The following ITGA8 variants were observed in gnomAD, a reference collection of about 807,000 sequenced individuals.
The protein encoded by ITGA8 is integrin alpha-8.
ITGA8 carries 91 observed loss-of-function variants against 142.3 expected under a neutral mutation model. The observed-to-expected ratio is 0.64, with a 90% CI of 0.54 to 0.76. The LOEUF is 0.76. Among genes scored for constraint, ITGA8 ranks in the 30% least tolerant of loss-of-function variants. The probability of loss-of-function intolerance (pLI) is 0.00; values close to 1 mark genes in which losing one functional copy is unlikely to be tolerated. For synonymous variants in ITGA8, 505 were observed against 485.2 expected (o/e 1.04, Z -0.54); for missense variants, 1,406 against 1,327.7 (o/e 1.06, Z -0.92).
chr10:15,536,467 G>C (rs1833440630), intron 27 of ITGA8, among the ~76,000 whole-genome samples: 1 of 152,182 alleles, frequency 6.6e-6, no homozygotes, highest in Non-Finnish European at 1.5e-5. Flanking sequence ...GCAATTACGG[G>C]CAGAGGTGTA....
chr10:15,595,629 T>C (rs1355691227), intron 21 of ITGA8, among the ~76,000 whole-genome samples: 1 of 152,238 alleles, frequency 6.6e-6, no homozygotes, highest in Admixed American at 6.5e-5. Context: ...GTTCCAAGAT[T>C]ATCCTTAGAT....
chr10:15,574,841 T>C (rs1170685151), intron 24 of ITGA8, among the ~76,000 whole-genome samples: 1 of 151,914 alleles, frequency 6.6e-6, no homozygotes, highest in Non-Finnish European at 1.5e-5. Context: ...ATCTGAAATA[T>C]AGGAAAAAAT....
intron 8 of ITGA8, among the ~76,000 whole-genome samples, chr10:15,664,780 C>T (rs1386527186): frequency 6.7e-6 from 1 of 149,232 alleles, no homozygotes; most frequent in Admixed American, 6.9e-5. Flanking sequence ...GGTTTTTTGT[C>T]CTTGTGATAG....
chr10:15,672,558 C>T (rs1834544060), intron 7 of ITGA8, 66 bp downstream of exon 7: 1 of 1,526,804 alleles, frequency 6.5e-7, no homozygotes, highest in Non-Finnish European at 8.8e-7. Flanking sequence ...AGGGATAAAA[C>T]TTGCATCTAC....
At chr10:15,718,118 A>G (rs182650169) in intron 2 of ITGA8, among the ~76,000 whole-genome samples, 1 of 152,374 alleles carries the variant, frequency 6.6e-6, no homozygotes, top group East Asian at 1.9e-4. Flanking sequence ...CAGGCTCTAA[A>G]GAGAAAACAC....
At chr10:15,584,783 TGGCTAA>T (rs1212237422) in intron 23 of ITGA8, among the ~76,000 whole-genome samples, 2 of 152,198 alleles carry the variant, frequency 1.3e-5, no homozygotes, top group African/African-American at 4.8e-5. Context: ...CCGAGCATGG[TGGCTAA>T]GGCCTGTAAT....
chr10:15,719,805 G>A lies in ITGA8; in HGVS notation c.-34C>T. On this transcript the variant is annotated 5_prime_UTR_variant, in exon 1 of 30. Coordinates refer to ENST00000378076, the MANE Select transcript of ITGA8 (RefSeq NM_003638.3). ...GCCCCGGTGGGTGGCTGCTACCCAG[G>A]AGCGCGAGCCGAGGACCCCTGCGGG... 5 of 1,321,234 alleles carry A rather than the reference G, an allele frequency of 3.8e-6. No individual in the cohort carries two copies. Among genetic ancestry groups the A allele is most frequent in the Non-Finnish European group, 4.8e-6 (5 of 1,040,162 alleles). 81.8% of individuals were successfully genotyped at this position (1,321,234 alleles called of 1,614,324 possible). A position where few individuals can be genotyped will look rare whatever the true frequency, so the allele number is the denominator to read the frequency against.
Position 15,660,913 on chromosome 10 carries a change from G to A in ITGA8, c.857C>T (p.Ala286Val). The A allele has an allele frequency of 1.2e-6, 2 of 1,613,574 alleles. No individual in the cohort carries two copies. The highest frequency in any genetic ancestry group is 1.7e-6 in the Non-Finnish European group (2 of 1,179,676). ...FTGDSQQELV[A>V]GIPRGAQNFG... ...ATTCTGTGCTCCTCTTGGAATTCCA[G>A]CAACCAATTCTGGGGATGAAAATAG... is the stretch of plus-strand genomic sequence containing the variant. Residue 286 changes from alanine to valine, a missense_variant, in exon 9 of 30, where the codon GCT becomes GTT. By Grantham distance (64) the Ala-to-Val change is moderately conservative. Coordinates refer to ENST00000378076, the MANE Select transcript of ITGA8 (RefSeq NM_003638.3).
At chr10:15,637,670 C>T (rs924107475) in intron 13 of ITGA8, among the ~76,000 whole-genome samples, 2 of 152,028 alleles carry the variant, frequency 1.3e-5, no homozygotes, top group African/African-American at 2.4e-5. Flanking sequence ...CTGCAGCATG[C>T]CTGGCCAATT....
At chr10:15,690,721 G>T (rs551419256) in intron 2 of ITGA8, among the ~76,000 whole-genome samples, 1 of 151,938 alleles carries the variant, frequency 6.6e-6, no homozygotes, top group South Asian at 2.1e-4. Context: ...CTATCAAAAA[G>T]CCTAACAACT....
At chr10:15,695,916 C>T (rs1835042690) in intron 2 of ITGA8, among the ~76,000 whole-genome samples, 1 of 152,206 alleles carries the variant, frequency 6.6e-6, no homozygotes, top group African/African-American at 2.4e-5. Context: ...GTCCTGTGAT[C>T]CCTGAACTTC....
chr10:15,553,162 T>C (rs1833822400), intron 26 of ITGA8, among the ~76,000 whole-genome samples: 2 of 151,828 alleles, frequency 1.3e-5, no homozygotes, highest in Non-Finnish European at 2.9e-5. Context: ...GAGACTGAGG[T>C]GGGAGGATCA....
At chr10:15,628,535 C>T (rs1009956825) in intron 13 of ITGA8, among the ~76,000 whole-genome samples, 6 of 151,420 alleles carry the variant, frequency 4.0e-5, no homozygotes, top group Non-Finnish European at 7.4e-5. Flanking sequence ...GGTTTCACCT[C>T]GTCAGCCAGG....
intron 8 of ITGA8, among the ~76,000 whole-genome samples, chr10:15,666,401 G>C (rs1018934208): frequency 6.6e-5 from 10 of 152,204 alleles, no homozygotes; most frequent in Non-Finnish European, 1.3e-4. Flanking sequence ...TTGCTTATCA[G>C]CTTGAGGAGA....
chr10:15,706,986 C>T (rs1285478596), intron 2 of ITGA8, among the ~76,000 whole-genome samples: 1 of 152,204 alleles, frequency 6.6e-6, no homozygotes. Flanking sequence ...GACTCTAACA[C>T]TGACACTCCT....
intron 20 of ITGA8, among the ~76,000 whole-genome samples, chr10:15,603,914 T>C (rs1250600015): frequency 1.3e-5 from 2 of 152,312 alleles, no homozygotes; most frequent in African/African-American, 4.8e-5. Flanking sequence ...CTTGGGAGTT[T>C]AGCTTTTTGA....
chr10:15,610,679 C>T (rs1833277924), intron 15 of ITGA8, among the ~76,000 whole-genome samples: 1 of 152,178 alleles, frequency 6.6e-6, no homozygotes, highest in Non-Finnish European at 1.5e-5. Context: ...ACTGTGCTCA[C>T]AGCTGTCTAT....
At position 15,678,791 on chromosome 10, in the gene ITGA8, G is replaced by A. The variant is rs184753978; in HGVS notation, c.569-8C>T. 6 of 1,564,170 alleles carry A rather than the reference G, an allele frequency of 3.8e-6. No individual in the cohort carries two copies. The highest frequency in any genetic ancestry group is 1.7e-4 in the Middle Eastern group (1 of 5,946). On this transcript the variant is annotated splice_region_variant and splice_polypyrimidine_tract_variant and intron_variant, in intron 4 of 29. Coordinates refer to ENST00000378076, the MANE Select transcript of ITGA8 (RefSeq NM_003638.3). ...CTTCCGGATCAGCATTGCCTAGAAC[G>A]ATCAAAATACATAAATGTTATAACG...
chr10:15,604,218 C>A lies in ITGA8; in HGVS notation c.2108G>T (p.Arg703Leu), dbSNP rs547566310. 3.1e-6 allele frequency: 5 copies of A among 1,609,252 alleles called. No individual in the cohort carries two copies. The highest frequency in any genetic ancestry group is 1.1e-5 in the South Asian group (1 of 89,608). Residue 703 changes from arginine (R) to leucine (L), a missense_variant, in exon 20 of 30, where the codon CGC becomes CTC. Coordinates refer to ENST00000378076, the MANE Select transcript of ITGA8 (RefSeq NM_003638.3). ...ATTTGCAGGCATTACCTTGTTGTTGCGTTCGATTCCAACATAATCTGCCTC... is the reference window on the plus strand; with the variant it reads ...ATTTGCAGGCATTACCTTGTTGTTGAGTTCGATTCCAACATAATCTGCCTC... Reference protein sequence around the residue: ...PEEADYVGIERNNKGFRPLSC... With the variant: ...PEEADYVGIELNNKGFRPLSC...
Sources: gnomAD v4.1 joint callset for allele counts (sites outside exome capture counted in the v4.1 genomes callset) on GRCh38, gnomAD v4.1.1 for gene constraint, MANE v1.5 for transcripts, NCBI Gene and HGNC (gene_info 2026-07-23, HGNC 2026-07-21) for gene names.